Variants in RET observed in about 807,000 individuals in gnomAD.
RET encodes the protein ret proto-oncogene, also known as proto-oncogene tyrosine-protein kinase receptor Ret.
RET carries 19 observed loss-of-function variants against 118.3 expected under a neutral mutation model. That is an observed-to-expected ratio of 0.16 (90% CI 0.11 to 0.24). RET has a LOEUF of 0.24. RET is among the 10% of genes least tolerant of loss of function. The pLI is 1.00. For synonymous variants in RET, 597 were observed against 644.1 expected (o/e 0.93, Z 1.11); for missense variants, 1,219 against 1,502.1 (o/e 0.81, Z 3.12).
chr10:43,125,927 G>A (rs1838317968), intron 18 of RET, among the ~76,000 whole-genome samples: 1 of 152,206 alleles, frequency 6.6e-6, no homozygotes. Context: ...GAACAGTGCT[G>A]AGAAACAGCC....
intron 1 of RET, among the ~76,000 whole-genome samples, chr10:43,082,206 C>T (rs1837200407): frequency 1.3e-5 from 2 of 152,206 alleles, no homozygotes; most frequent in South Asian, 4.1e-4. Flanking sequence ...CTTGTTCCCA[C>T]AGCTCCTCCT....
At chr10:43,113,497 A>T (rs1837988359) in intron 9 of RET, 59 bp from the exon 10 acceptor site, 1 of 1,534,456 alleles carries the variant, frequency 6.5e-7, no homozygotes, top group African/African-American at 1.4e-5. Flanking sequence ...CCCTGGAAAT[A>T]TGGGCGCCTG....
chr10:43,114,486 T>G lies in RET; in HGVS notation c.1886T>G (p.Leu629Arg). 2 of 1,606,592 alleles carry G rather than the reference T, an allele frequency of 1.2e-6. No individual in the cohort carries two copies. Among genetic ancestry groups the G allele is most frequent in the Non-Finnish European group, 1.7e-6 (2 of 1,179,942 alleles). ...ACACCACCCCCACCCACAGATCCAC[T>G]GTGCGACGAGCTGTGCCGCACGGTG... Reference protein sequence around the residue: ...FCEPEDIQDPLCDELCRTVIA... With the variant: ...FCEPEDIQDPRCDELCRTVIA... The change falls in exon 11 of 20, where the codon CTG (leucine) becomes CGG (arginine). Residue 629 changes from leucine (L) to arginine (R), a missense_variant. Around this residue, in one of 5 missense-constraint regions of RET, gnomAD observed 850 missense variants for 969.6 expected, o/e 0.88. Transcript: ENST00000355710. The surrounding 1 kb of genome is among the most constrained non-coding windows in gnomAD (Gnocchi z 4.6).
intron 1 of RET, among the ~76,000 whole-genome samples, chr10:43,097,608 T>C (rs1387865806): frequency 4.6e-5 from 7 of 152,074 alleles, no homozygotes; most frequent in Non-Finnish European, 1.5e-5. Flanking sequence ...AGTTACAATC[T>C]CTCACCCTCT....
At chr10:43,112,247 G>A in intron 8 of RET, 23 bp downstream of exon 8, 4 of 1,551,342 alleles carry the variant, frequency 2.6e-6, no homozygotes, top group South Asian at 2.4e-5. Flanking sequence ...AACGCCCAAG[G>A]GAGGCCTGCA....
intron 1 of RET, among the ~76,000 whole-genome samples, chr10:43,087,413 C>T (rs960359316): frequency 6.6e-6 from 1 of 152,200 alleles, no homozygotes; most frequent in Non-Finnish European, 1.5e-5. Context: ...ACCAGGACAC[C>T]AGGGAAGGAG....
rs1462170582 is a variant in RET at position 43,124,828 on chromosome 10, C to G, written c.2940-55C>G. On this transcript the variant is annotated intron_variant, in intron 17 of 19. Transcript: ENST00000355710. ...GGTGCGATGGCTGTGGTGGGCTGTC[C>G]TTCTGAGACCTGGCCCTGCTTGGAT... 6.0e-5 allele frequency: 95 copies of G among 1,570,462 alleles called. 3 individuals carry two copies. In the East Asian group the frequency reaches 1.2e-3, roughly 20 times the overall value.
intron 14 of RET, 34 bp from the exon 15 acceptor site, chr10:43,120,047 A>G (rs764123501): frequency 1.2e-6 from 2 of 1,611,768 alleles, no homozygotes; most frequent in Non-Finnish European, 1.7e-6. Context: ...CTGCCTGGCC[A>G]TGGCCTGACG....
chr10:43,088,056 G>A (rs1837327772), intron 1 of RET, among the ~76,000 whole-genome samples: 1 of 152,060 alleles, frequency 6.6e-6, no homozygotes, highest in Admixed American at 6.6e-5. Flanking sequence ...TGGTGGTGGT[G>A]GTGATGGTGA....
At chr10:43,083,071 A>G (rs1837219866) in intron 1 of RET, among the ~76,000 whole-genome samples, 1 of 152,298 alleles carries the variant, frequency 6.6e-6, no homozygotes, top group South Asian at 2.1e-4. Context: ...ACTTAGCCCA[A>G]GTGGGGCTCT....
At chr10:43,084,136 G>T (rs1292080798) in intron 1 of RET, among the ~76,000 whole-genome samples, 1 of 152,250 alleles carries the variant, frequency 6.6e-6, no homozygotes, top group Non-Finnish European at 1.5e-5. Flanking sequence ...GGATGGACAC[G>T]TGGGTGCTTT....
chr10:43,111,097 G>C, intron 6 of RET, 110 bp from the exon 7 acceptor site: 20 of 1,522,330 alleles, frequency 1.3e-5, no homozygotes, highest in Non-Finnish European at 1.8e-5. Context: ...GCTGTCTCCA[G>C]GCCCAGTTGG....
chr10:43,113,205 G>C (rs78601594), intron 9 of RET, among the ~76,000 whole-genome samples: 5 of 152,172 alleles, frequency 3.3e-5, no homozygotes, highest in Non-Finnish European at 7.4e-5. Flanking sequence ...GGCACACACA[G>C]ATTTCAGAAG....
Position 43,112,242 on chromosome 10 carries a change from C to T in RET, c.1648+18C>T, listed in dbSNP as rs1837956243. 3 of 1,551,414 alleles carry T rather than the reference C, an allele frequency of 1.9e-6. No individual in the cohort carries two copies. Among genetic ancestry groups the T allele is most frequent in the Non-Finnish European group, 1.7e-6 (2 of 1,147,004 alleles). The stretch of plus-strand genomic sequence containing the variant: ...TGGCAAAGGTAAGCCCTGGAAACGC[C>T]CAAGGGAGGCCTGCAGGGGCGATGG... On this transcript the variant is annotated intron_variant, in intron 8 of 19. Transcript: ENST00000355710.
intron 5 of RET, among the ~76,000 whole-genome samples, chr10:43,107,311 G>A (rs1837803822): frequency 6.6e-6 from 1 of 152,142 alleles, no homozygotes; most frequent in Admixed American, 6.5e-5. Context: ...TCCTTGCCCT[G>A]GCACTGAACA....
At position 43,114,699 on chromosome 10, in the gene RET, T is replaced by C. The variant is rs2132854489; in HGVS notation, c.2099T>C (p.Met700Thr). 1 of 1,611,962 alleles carries C rather than the reference T, an allele frequency of 6.2e-7. No individual in the cohort carries two copies. The highest frequency in any genetic ancestry group is 1.1e-5 in the South Asian group (1 of 91,050). ...SGARRPSLDS[M>T]ENQVSVDAFK... ...GCCCGCCGGCCCTCGCTGGACTCCA[T>C]GGAGAACCAGGTCTCCGTGGATGCC... Residue 700 changes from methionine (M) to threonine (T), a missense_variant, in exon 11 of 20, where the codon ATG (methionine) becomes ACG (threonine). Transcript: ENST00000355710. The surrounding 1 kb of genome is among the most constrained non-coding windows in gnomAD (Gnocchi z 4.6).
intron 19 of RET, chr10:43,127,474 T>C (rs1223477432): frequency 1.9e-6 from 2 of 1,044,686 alleles, no homozygotes; most frequent in Non-Finnish European, 2.3e-6. Context: ...CAAAACTCCT[T>C]CTTTTGTCTT....
chr10:43,104,870 C>G lies in RET; in HGVS notation c.626-82C>G, dbSNP rs1024737766. ...GCGGCGGTGTGCGCCCCGCTCTGAC[C>G]GCAGAGCCCCCTTCCCGAGGAAAGC... is the stretch of plus-strand genomic sequence containing the variant. On this transcript the variant is annotated intron_variant, in intron 3 of 19. Transcript: ENST00000355710. 46 of 1,507,578 alleles carry G rather than the reference C, an allele frequency of 3.1e-5. 1 individual carries two copies. Among genetic ancestry groups the G allele is most frequent in the Non-Finnish European group, 4.0e-5 (45 of 1,131,910 alleles). The allele number at this position is 1,507,578 out of a possible 1,614,324, so 93.4% of individuals were successfully genotyped here.
In RET at chr10:43,104,997, G is replaced by T; in HGVS notation, c.671G>T (p.Ser224Ile). The change falls in exon 4 of 20, where the codon AGC (serine) becomes ATC (isoleucine). Residue 224 changes from serine to isoleucine, a missense_variant. Transcript: ENST00000355710. The part of the protein sequence containing the change: ...FRCAPDSLEV[S>I]TRWALDREQR... ...TGCGCCCCGGACAGCCTGGAGGTGA[G>T]CACGCGCTGGGCCCTGGACCGCGAG... 1 of 1,588,406 alleles carries T rather than the reference G, an allele frequency of 6.3e-7. No individual in the cohort carries two copies. The highest frequency in any genetic ancestry group is 1.1e-5 in the South Asian group (1 of 88,884).
Sources: gnomAD v4.1 joint callset for allele counts (sites outside exome capture counted in the v4.1 genomes callset) on GRCh38, gnomAD v4.1.1 for gene constraint, gnomAD v4.1.1 regional missense constraint, Gnocchi (gnomAD v3.1) non-coding constraint, MANE v1.5 for transcripts, NCBI Gene and HGNC (gene_info 2026-07-23, HGNC 2026-07-21) for gene names.